Variants in RBFOX1 observed in about 807,000 individuals in gnomAD.
RBFOX1 encodes RNA binding protein fox-1 homolog 1.
In RBFOX1, 8 loss-of-function variants were observed where a neutral mutation model predicts 57.7. The ratio of observed to expected loss-of-function variants is 0.14; its 90% CI spans 0.08 to 0.25. The LOEUF (loss-of-function observed/expected upper bound fraction) is 0.25. Among genes scored for constraint, RBFOX1 ranks in the 10% least tolerant of loss-of-function variants. RBFOX1 has a pLI of 1.00. For synonymous variants in RBFOX1, 326 were observed against 222.4 expected, an observed-to-expected ratio of 1.47 and a Z score of -4.15; for missense variants, 611 against 548.5, an observed-to-expected ratio of 1.11 and a Z score of -1.14.
intron 1 of RBFOX1, among the ~76,000 whole-genome samples, chr16:5,392,531 TTTTTTTC>T (rs2066441645): frequency 3.3e-5 from 5 of 150,124 alleles, no homozygotes; most frequent in Admixed American, 2.0e-4. Context: ...ATATATATAT[TTTTTTTC>T]TTTTTTTCTT....
intron 2 of RBFOX1, among the ~76,000 whole-genome samples, chr16:6,518,801 A>ATCTG (rs2096440467): frequency 7.7e-6 from 1 of 129,658 alleles, no homozygotes; most frequent in Non-Finnish European, 1.7e-5. Flanking sequence ...GTGTCTGTCT[A>ATCTG]TCTATCTATC....
chr16:7,652,961 T>C (rs2065398310), intron 11 of RBFOX1, among the ~76,000 whole-genome samples: 1 of 152,176 alleles, frequency 6.6e-6, no homozygotes, highest in Non-Finnish European at 1.5e-5. Flanking sequence ...GGGAAAGTTA[T>C]GAATAAAAAC....
chr16:7,649,543 T>G (rs982723350), intron 11 of RBFOX1, among the ~76,000 whole-genome samples: 3 of 151,930 alleles, frequency 2.0e-5, no homozygotes, highest in Admixed American at 2.0e-4. Flanking sequence ...CCTCTAATGG[T>G]TGTGTTGCTT....
In RBFOX1 at chr16:5,577,657, T is replaced by G. The variant is rs1176112782; in HGVS notation, c.259-21245T>G. On this transcript the variant is annotated intron_variant, in intron 2 of 2. Coordinates refer to the RBFOX1 transcript ENST00000585867. ...GTCTCGAATGGATCATTTGCAAAAT[T>G]TTAAAATGGCAAGGCAGTGACTGTG... 2.0e-5 allele frequency among the ~76,000 whole-genome samples: 3 copies of G among 152,214 alleles called. No homozygotes were observed. In the East Asian group the frequency reaches 5.8e-4, roughly 29 times the overall value.
intron 4 of RBFOX1, among the ~76,000 whole-genome samples, chr16:7,284,275 C>G (rs559846486): frequency 6.6e-6 from 1 of 152,172 alleles, no homozygotes; most frequent in Non-Finnish European, 1.5e-5. Flanking sequence ...TCTTAGTTCT[C>G]CTGGGTAAAT....
At position 6,665,641 on chromosome 16, in the gene RBFOX1, AAG is replaced by A. The variant is rs2098727689; in HGVS notation, c.-16+10993_-16+10994del. Among the ~76,000 whole-genome samples, 95 of 45,690 alleles carry A rather than the reference AAG, an allele frequency of 2.1e-3. 1 individual carries two copies. In the South Asian group the frequency reaches 0.046, roughly 22 times the overall value. 30.0% of individuals were successfully genotyped at this position (45,690 alleles called of 152,430 possible). The stretch of plus-strand genomic sequence containing the variant: ...ACTCCATCTCCAAAAAAAAAAAAAG[AAG>A]AAGGAGGGAGTGTCACCTAATGAAA... On this transcript the variant is annotated intron_variant, in intron 3 of 15. Transcript: ENST00000550418.
intron 4 of RBFOX1, among the ~76,000 whole-genome samples, chr16:7,179,428 C>G (rs2152510881): frequency 6.6e-6 from 1 of 152,236 alleles, no homozygotes; most frequent in Admixed American, 6.5e-5. Context: ...TGTGTCCAAT[C>G]TCCACAATTT....
chr16:7,067,356 T>C (rs545119432), intron 4 of RBFOX1, among the ~76,000 whole-genome samples: 3 of 152,192 alleles, frequency 2.0e-5, no homozygotes, highest in Admixed American at 1.3e-4. Flanking sequence ...TCTGCAGTTC[T>C]TTAGGTCAGA....
At chr16:6,710,716 C>T (rs1198098624) in intron 3 of RBFOX1, among the ~76,000 whole-genome samples, 2 of 152,232 alleles carry the variant, frequency 1.3e-5, no homozygotes, top group African/African-American at 4.8e-5. Flanking sequence ...GCCCTGCTTG[C>T]CCTCGGGTGG....
chr16:5,840,221 G>T (rs1372175171), intron 3 of RBFOX1, among the ~76,000 whole-genome samples: 1 of 152,098 alleles, frequency 6.6e-6, no homozygotes, highest in East Asian at 1.9e-4. Context: ...ATTTTCCTTG[G>T]CATCTCAGTC....
At chr16:5,458,886 A>T in intron 1 of RBFOX1, among the ~76,000 whole-genome samples, 1 of 152,208 alleles carries the variant, frequency 6.6e-6, no homozygotes, top group East Asian at 1.9e-4. Flanking sequence ...GGTAGATATG[A>T]TCCCTCTGCT....
At chr16:6,883,922 C>T (rs1364949545) in intron 3 of RBFOX1, among the ~76,000 whole-genome samples, 1 of 151,892 alleles carries the variant, frequency 6.6e-6, no homozygotes. Context: ...ACATCTTTAC[C>T]CCAGGTACAA....
At chr16:6,609,390 G>C (rs1008052719) in intron 2 of RBFOX1, among the ~76,000 whole-genome samples, 5 of 151,840 alleles carry the variant, frequency 3.3e-5, no homozygotes, top group African/African-American at 1.2e-4. Context: ...TGTTGTCCAG[G>C]CTGGAGTGCA....
rs115865216 is a variant in RBFOX1 at position 5,625,054 on chromosome 16, A to G, written c.318+26093A>G. ...CCCTCCATAGGCGGCTCTGGATTCTATTTAAAATGGGATTCAGGGACATTG... is the reference window on the plus strand; with the variant it reads ...CCCTCCATAGGCGGCTCTGGATTCTGTTTAAAATGGGATTCAGGGACATTG... On this transcript the variant is annotated intron_variant, in intron 3 of 19. Coordinates refer to the RBFOX1 transcript ENST00000641259. Among the ~76,000 whole-genome samples the G allele has an allele frequency of 5.3e-3, 814 of 152,278 alleles. 8 individuals are homozygous for G. Among genetic ancestry groups the G allele is most frequent in the African/African-American group, 0.019 (776 of 41,552 alleles).
intron 3 of RBFOX1, among the ~76,000 whole-genome samples, chr16:6,671,204 T>C (rs1363787687): frequency 6.6e-6 from 1 of 152,172 alleles, no homozygotes; most frequent in Non-Finnish European, 1.5e-5. Context: ...ACTTGCAATG[T>C]CAAAATATTG....
chr16:6,649,653 A>G (rs2098562402), intron 2 of RBFOX1, among the ~76,000 whole-genome samples: 1 of 152,184 alleles, frequency 6.6e-6, no homozygotes, highest in Admixed American at 6.5e-5. Flanking sequence ...ACTTAGAATA[A>G]TGGTCTCCAG....
At chr16:5,888,046 TCCTGCAAGA>T (rs1367775230) in intron 4 of RBFOX1, among the ~76,000 whole-genome samples, 1 of 152,212 alleles carries the variant, frequency 6.6e-6, no homozygotes, top group Non-Finnish European at 1.5e-5. Context: ...AAGACAGCCT[TCCTGCAAGA>T]CTGCCCTCCT....
intron 1 of RBFOX1, among the ~76,000 whole-genome samples, chr16:5,391,958 A>G (rs2066423222): frequency 6.6e-6 from 1 of 152,034 alleles, no homozygotes; most frequent in Admixed American, 6.6e-5. Flanking sequence ...AGCCATAAAA[A>G]GGAATGATTT....
intron 4 of RBFOX1, among the ~76,000 whole-genome samples, chr16:5,956,669 TATA>T (rs2059646879): frequency 1.7e-5 from 1 of 60,456 alleles, no homozygotes; most frequent in Non-Finnish European, 3.0e-5. Flanking sequence ...TATATATATA[TATA>T]TATATATTTT....
Sources: allele counts gnomAD v4.1 joint callset (sites outside exome capture counted in the v4.1 genomes callset), GRCh38; gene constraint gnomAD v4.1.1; transcripts MANE v1.5; gene names NCBI Gene and HGNC (gene_info 2026-07-23, HGNC 2026-07-21).